The following NSMCE2 variants were observed in gnomAD, a reference collection of about 807,000 sequenced individuals.
NSMCE2 encodes E3 SUMO-protein ligase NSE2.
In NSMCE2, 24 loss-of-function variants were observed where a neutral mutation model predicts 23.8. The ratio of observed to expected loss-of-function variants is 1.01; its 90% CI spans 0.73 to 1.42. The LOEUF (loss-of-function observed/expected upper bound fraction) is 1.42. NSMCE2 is among the 40% of genes most tolerant of loss of function. The pLI, the probability that NSMCE2 is intolerant of heterozygous loss-of-function variation, is 0.00. For synonymous variants in NSMCE2, 92 were observed against 94.1 expected (o/e 0.98, Z 0.13); for missense variants, 284 against 296.5 (o/e 0.96, Z 0.31).
rs113174405 is a variant in NSMCE2, at chr8:125,214,483, G to A, written c.418+32227G>A. Among the ~76,000 whole-genome samples, 318 of 152,276 alleles carry A rather than the reference G, an allele frequency of 2.1e-3. 2 individuals are homozygous for A. Among genetic ancestry groups the A allele is most frequent in the African/African-American group, 7.5e-3 (310 of 41,556 alleles). On this transcript the variant is annotated intron_variant, in intron 5 of 7. Transcript: ENST00000287437. ...CTCAACAAGGAAATGGGTCACTGGC[G>A]GGGTCAGTACAGGACCCTACGTGAA...
At chr8:125,212,496 G>A (rs577107164) in intron 5 of NSMCE2, among the ~76,000 whole-genome samples, 1 of 152,292 alleles carries the variant, frequency 6.6e-6, no homozygotes, top group East Asian at 1.9e-4. Flanking sequence ...ACAACAAGGT[G>A]AAAAGAGCAA....
At chr8:125,290,168 C>T (rs1215857434) in intron 5 of NSMCE2, among the ~76,000 whole-genome samples, 1 of 152,038 alleles carries the variant, frequency 6.6e-6, no homozygotes, top group Non-Finnish European at 1.5e-5. Context: ...AAAAAAAACT[C>T]CACTTTCTGG....
chr8:125,258,329 G>T (rs915482447), intron 5 of NSMCE2, among the ~76,000 whole-genome samples: 3 of 152,198 alleles, frequency 2.0e-5, no homozygotes, highest in Non-Finnish European at 4.4e-5. Context: ...TAGCTCACAA[G>T]AGGCAAGAAG....
intron 5 of NSMCE2, among the ~76,000 whole-genome samples, chr8:125,292,898 C>T (rs755709576): frequency 3.3e-5 from 5 of 152,290 alleles, no homozygotes; most frequent in South Asian, 2.1e-4. Flanking sequence ...TCAACATGAA[C>T]GAGTTTCAAA....
intron 5 of NSMCE2, among the ~76,000 whole-genome samples, chr8:125,236,857 A>G (rs940582903): frequency 1.3e-5 from 2 of 150,656 alleles, no homozygotes; most frequent in Admixed American, 1.3e-4. Context: ...CTAGACTCTT[A>G]AAAGGAACAA....
At chr8:125,160,849 A>C (rs994851897) in intron 4 of NSMCE2, among the ~76,000 whole-genome samples, 14 of 152,232 alleles carry the variant, frequency 9.2e-5, no homozygotes, top group African/African-American at 3.4e-4. Context: ...TTATTAAACT[A>C]TCTTGCTTAC....
rs58217279 is a variant in NSMCE2 at position 125,151,315 on chromosome 8, C to T, written c.264+38C>T. ...CACTCCCTGGTTATATATTTGGTTA[C>T]AACTCACTGACCGAGAAGTAGAAAC... is the stretch of plus-strand genomic sequence containing the variant. On this transcript the variant is annotated intron_variant, in intron 4 of 7. Transcript: ENST00000287437. 8,598 of 1,052,358 alleles carry T rather than the reference C, an allele frequency of 8.2e-3. 414 individuals are homozygous for T. The African/African-American group carries it at 0.11, about 14-fold the overall frequency. The allele number at this position is 1,052,358 out of a possible 1,614,324, so 65.2% of individuals were successfully genotyped here. A position where few individuals can be genotyped will look rare whatever the true frequency, so the allele number is the denominator to read the frequency against.
At chr8:125,170,609 T>A (rs568273602) in intron 4 of NSMCE2, among the ~76,000 whole-genome samples, 1 of 152,200 alleles carries the variant, frequency 6.6e-6, no homozygotes, top group Admixed American at 6.5e-5. Context: ...GGTTTCACCA[T>A]GTTGGCCAGG....
At chr8:125,327,756 G>A (rs1788055434) in intron 5 of NSMCE2, among the ~76,000 whole-genome samples, 2 of 151,876 alleles carry the variant, frequency 1.3e-5, no homozygotes, top group Non-Finnish European at 2.9e-5. Context: ...CTCCAATATA[G>A]TATAAGTAAC....
At chr8:125,211,689 T>TACA (rs574049895) in intron 5 of NSMCE2, among the ~76,000 whole-genome samples, 131 of 152,338 alleles carry the variant, frequency 8.6e-4, no homozygotes, top group African/African-American at 3.1e-3. Flanking sequence ...TTTATTAATC[T>TACA]ACAACCCCAT....
intron 5 of NSMCE2, among the ~76,000 whole-genome samples, chr8:125,252,117 C>G (rs529196133): frequency 3.8e-4 from 58 of 152,106 alleles, no homozygotes; most frequent in Non-Finnish European, 4.1e-4. Flanking sequence ...GTATAGTCAG[C>G]AAAAAGAGGA....
chr8:125,326,300 CTGTA>C (rs1440944311), intron 5 of NSMCE2, among the ~76,000 whole-genome samples: 2 of 152,112 alleles, frequency 1.3e-5, no homozygotes, highest in African/African-American at 2.4e-5. Context: ...TCAAGTCATC[CTGTA>C]TGTGTCAATA....
chr8:125,191,024 C>T lies in NSMCE2; in HGVS notation c.418+8768C>T, dbSNP rs563616684. Among the ~76,000 whole-genome samples, 18 of 152,228 alleles carry T rather than the reference C, an allele frequency of 1.2e-4. No individual in the cohort carries two copies. In the South Asian group the frequency reaches 3.1e-3, roughly 26 times the overall value. The stretch of plus-strand genomic sequence containing the variant: ...TAGCTGGGATTACAGGCACCCGCCA[C>T]GCCACCTAGCTAATTTTTTGTATTT... On this transcript the variant is annotated intron_variant, in intron 5 of 7. Transcript: ENST00000287437.
intron 5 of NSMCE2, among the ~76,000 whole-genome samples, chr8:125,332,023 T>C (rs1026930807): frequency 1.3e-5 from 2 of 152,206 alleles, no homozygotes; most frequent in African/African-American, 4.8e-5. Flanking sequence ...GCCATGTAAG[T>C]AGCTGCTATC....
intron 3 of NSMCE2, among the ~76,000 whole-genome samples, chr8:125,108,426 C>T (rs1818574530): frequency 6.6e-6 from 1 of 152,180 alleles, no homozygotes; most frequent in African/African-American, 2.4e-5. Context: ...ACTAAGGCAG[C>T]CAGTATCAGC....
chr8:125,244,491 C>T (rs1311503199), intron 5 of NSMCE2, among the ~76,000 whole-genome samples: 1 of 152,100 alleles, frequency 6.6e-6, no homozygotes, highest in East Asian at 1.9e-4. Flanking sequence ...TATTACCATG[C>T]AGTGACTACC....
At chr8:125,224,389 C>T (rs1016864190) in intron 5 of NSMCE2, among the ~76,000 whole-genome samples, 2 of 152,142 alleles carry the variant, frequency 1.3e-5, no homozygotes, top group Non-Finnish European at 2.9e-5. Flanking sequence ...AGCCCAATGT[C>T]GTGGAGCTAT....
intron 5 of NSMCE2, among the ~76,000 whole-genome samples, chr8:125,213,411 G>A (rs1217054204): frequency 1.3e-5 from 2 of 151,858 alleles, no homozygotes; most frequent in Non-Finnish European, 2.9e-5. Flanking sequence ...TGTTACTTTA[G>A]TAAATATATG....
chr8:125,194,171 G>T (rs139528356), intron 5 of NSMCE2, among the ~76,000 whole-genome samples: 2 of 152,108 alleles, frequency 1.3e-5, no homozygotes. Context: ...TACGGATGAG[G>T]TTCTGCACAA....
Sources: gnomAD v4.1 joint callset for allele counts (sites outside exome capture counted in the v4.1 genomes callset) on GRCh38, gnomAD v4.1.1 for gene constraint, MANE v1.5 for transcripts, NCBI Gene and HGNC (gene_info 2026-07-23, HGNC 2026-07-21) for gene names.